KDM7A: variants seen among roughly 807,000 people sequenced by gnomAD.
KDM7A encodes lysine demethylase 7A.
In KDM7A, 28 loss-of-function variants were observed where a neutral mutation model predicts 114.8. The ratio of observed to expected loss-of-function variants is 0.24; its 90% CI spans 0.18 to 0.33. The LOEUF is 0.33. Among genes scored for constraint, KDM7A ranks in the 10% least tolerant of loss-of-function variants. The pLI, the probability that KDM7A is intolerant of heterozygous loss-of-function variation, is 1.00. For missense variants in KDM7A, 942 were observed against 1,142.5 expected (o/e 0.82, Z 2.53); for synonymous variants, 423 against 397.8 (o/e 1.06, Z -0.75).
rs1183148891 is a variant in KDM7A, at chr7:140,176,491, C to T, written c.194+253G>A. Among the ~76,000 whole-genome samples, 1 of 146,782 alleles carries T rather than the reference C, an allele frequency of 6.8e-6. No individual in the cohort carries two copies. Among genetic ancestry groups the T allele is most frequent in the African/African-American group, 2.4e-5 (1 of 40,930 alleles). ...CCCCCTGCCAACTTATCCGCCGGCC[C>T]TCTTTGTTCGTGTTTGTTGTGGCGA... is the stretch of plus-strand genomic sequence containing the variant. On this transcript the variant is annotated intron_variant, in intron 1 of 19. Coordinates refer to ENST00000397560, the MANE Select transcript of KDM7A (RefSeq NM_030647.2). This position sits in a 1 kb window ranked among gnomAD's most constrained non-coding sequence, Gnocchi z 4.4.
At chr7:140,125,461 A>C (rs1466522186) in intron 6 of KDM7A, among the ~76,000 whole-genome samples, 1 of 152,258 alleles carries the variant, frequency 6.6e-6, no homozygotes, top group African/African-American at 2.4e-5. Flanking sequence ...TTTTAATTAC[A>C]TTCCATTTTA....
At chr7:140,152,165 A>C (rs1356683980) in intron 1 of KDM7A, among the ~76,000 whole-genome samples, 1 of 152,208 alleles carries the variant, frequency 6.6e-6, no homozygotes, top group African/African-American at 2.4e-5. Flanking sequence ...TCTCTGCTGG[A>C]ACAGAAACTA....
intron 1 of KDM7A, among the ~76,000 whole-genome samples, chr7:140,175,260 C>G (rs979087007): frequency 6.6e-6 from 1 of 152,184 alleles, no homozygotes; most frequent in African/African-American, 2.4e-5. Context: ...ACACCTAGCA[C>G]TAAACACTGC....
chr7:140,168,892 A>G (rs890661378), intron 1 of KDM7A, among the ~76,000 whole-genome samples: 1 of 152,240 alleles, frequency 6.6e-6, no homozygotes, highest in African/African-American at 2.4e-5. Context: ...AGTTACAAGT[A>G]AGGAAAGGGG....
intron 14 of KDM7A, among the ~76,000 whole-genome samples, chr7:140,098,030 A>C (rs557631649): frequency 1.3e-5 from 2 of 152,368 alleles, no homozygotes; most frequent in East Asian, 3.9e-4. Context: ...TCCCAAACGT[A>C]AAACGCATTC....
chr7:140,107,072 T>C (rs1265671234), intron 11 of KDM7A, among the ~76,000 whole-genome samples: 1 of 152,208 alleles, frequency 6.6e-6, no homozygotes, highest in Non-Finnish European at 1.5e-5. Flanking sequence ...AAGTCTGTTT[T>C]ATCAGAGACT....
chr7:140,151,465 TTTA>T (rs1469838460), intron 1 of KDM7A, among the ~76,000 whole-genome samples: 4 of 152,152 alleles, frequency 2.6e-5, no homozygotes, highest in African/African-American at 9.7e-5. Flanking sequence ...TTGGAGCCCG[TTTA>T]AATATAAATT....
intron 1 of KDM7A, among the ~76,000 whole-genome samples, chr7:140,151,164 T>A (rs556057226): frequency 6.6e-6 from 1 of 152,218 alleles, no homozygotes; most frequent in African/African-American, 2.4e-5. Flanking sequence ...GTTCCCCAGG[T>A]GATTCTTTTG....
chr7:140,109,596 G>A (rs11486905), intron 11 of KDM7A, among the ~76,000 whole-genome samples: 52,694 of 152,022 alleles, frequency 0.35, 9,395 homozygotes, highest in Middle Eastern at 0.43. Flanking sequence ...TAGGTATATA[G>A]CCAGGACTTC....
intron 1 of KDM7A, among the ~76,000 whole-genome samples, chr7:140,158,652 G>A (rs571785408): frequency 1.3e-5 from 2 of 152,160 alleles, no homozygotes; most frequent in African/African-American, 4.8e-5. Context: ...AAGAAAACAG[G>A]TGAGCGCTGG....
chr7:140,155,595 G>C (rs1794449826), intron 1 of KDM7A, among the ~76,000 whole-genome samples: 3 of 152,156 alleles, frequency 2.0e-5, no homozygotes, highest in Non-Finnish European at 4.4e-5. Flanking sequence ...ATCTTGTTTT[G>C]CTCTAGTTAA....
chr7:140,114,546 G>C lies in KDM7A; in HGVS notation c.1247-964C>G, dbSNP rs568513197. Among the ~76,000 whole-genome samples, 7 of 152,296 alleles carry C rather than the reference G, an allele frequency of 4.6e-5. No homozygotes were observed. In the South Asian group the frequency reaches 1.5e-3, roughly 32 times the overall value. ...CCTCCACCTCCCAGCCGCCTGCCTT[G>C]GCCTCCCAAAGTGCCGAGATTGCAG... On this transcript the variant is annotated intron_variant, in intron 9 of 19. Transcript: ENST00000397560.
intron 3 of KDM7A, among the ~76,000 whole-genome samples, chr7:140,132,237 TA>T (rs1161493438): frequency 6.6e-6 from 1 of 152,142 alleles, no homozygotes; most frequent in Non-Finnish European, 1.5e-5. Context: ...TTTGTGGCAT[TA>T]AAACCCAAAG....
In KDM7A at chr7:140,100,715, T is replaced by TATATATATATATATATATATATACAC. The variant is rs1562946069; in HGVS notation, c.1639-693_1639-692insGTGTATATATATATATATATATATAT. 1.6e-4 allele frequency among the ~76,000 whole-genome samples: 8 copies of TATATATATATATATATATATATACAC among 49,074 alleles called. No homozygotes were observed. In the South Asian group the frequency reaches 2.2e-3, roughly 13 times the overall value. The allele number at this position is 49,074 out of a possible 152,430, so 32.2% of individuals were successfully genotyped here. Reference sequence around the variant, plus strand: ...ATATATATATATATATATACACATATATATATATATATATATATATATATA... The same window carrying TATATATATATATATATATATATACAC: ...ATATATATATATATATATACACATATATATATATATATATATATATATACACATATATATATATATATATATATATA... On this transcript the variant is annotated intron_variant, in intron 12 of 19. Transcript: ENST00000397560.
At chr7:140,120,650 G>A in intron 7 of KDM7A, 121 bp from the exon 8 acceptor site, 3 of 610,244 alleles carry the variant, frequency 4.9e-6, no homozygotes, top group South Asian at 4.3e-5. Context: ...TTCAGTGCTA[G>A]AGAAGTTAAT....
At chr7:140,156,346 CAT>C (rs1262052185) in intron 1 of KDM7A, among the ~76,000 whole-genome samples, 2 of 152,208 alleles carry the variant, frequency 1.3e-5, no homozygotes, top group African/African-American at 4.8e-5. Context: ...ACACGATTAT[CAT>C]GTGAAAAATC....
At chr7:140,108,207 C>A (rs9718628) in intron 11 of KDM7A, among the ~76,000 whole-genome samples, 1 of 151,802 alleles carries the variant, frequency 6.6e-6, no homozygotes, top group African/African-American at 2.4e-5. Context: ...AGCTTCTTTG[C>A]GATGGGTTTG....
intron 1 of KDM7A, among the ~76,000 whole-genome samples, chr7:140,168,707 A>G (rs1402069608): frequency 6.6e-6 from 1 of 152,230 alleles, no homozygotes; most frequent in Non-Finnish European, 1.5e-5. Context: ...TATTCTGATT[A>G]GATACTCTAA....
intron 1 of KDM7A, among the ~76,000 whole-genome samples, chr7:140,152,005 T>C (rs1004134762): frequency 6.6e-6 from 1 of 152,194 alleles, no homozygotes; most frequent in African/African-American, 2.4e-5. Flanking sequence ...TCAACTACAA[T>C]GGACAAGAGT....
Sources: allele counts gnomAD v4.1 joint callset (sites outside exome capture counted in the v4.1 genomes callset), GRCh38; gene constraint gnomAD v4.1.1; non-coding constraint Gnocchi (gnomAD v3.1); transcripts MANE v1.5; gene names NCBI Gene and HGNC (gene_info 2026-07-23, HGNC 2026-07-21).